SEMA6D: variants seen among roughly 807,000 people sequenced by gnomAD.
The protein encoded by SEMA6D is semaphorin-6D.
In SEMA6D, 35 loss-of-function variants were observed where a neutral mutation model predicts 106.6. The observed-to-expected ratio is 0.33, with a 90% CI of 0.25 to 0.44. The LOEUF is 0.44. SEMA6D is among the 20% of genes least tolerant of loss of function. The pLI is 1.00. For missense variants in SEMA6D, 1,185 were observed against 1,345.9 expected (o/e 0.88, Z 1.87); for synonymous variants, 499 against 487.7 (o/e 1.02, Z -0.31).
intron 1 of SEMA6D, among the ~76,000 whole-genome samples, chr15:47,731,501 T>C (rs1222340809): frequency 6.6e-6 from 1 of 151,868 alleles, no homozygotes; most frequent in East Asian, 1.9e-4. Context: ...AAAGGGAGAG[T>C]GTATGGTAGC....
chr15:47,275,693 C>G (rs924849751), intron 1 of SEMA6D, among the ~76,000 whole-genome samples: 1 of 152,040 alleles, frequency 6.6e-6, no homozygotes, highest in Non-Finnish European at 1.5e-5. Context: ...TCCCTATTCC[C>G]TGAGACAAAA....
upstream of SEMA6D, among the ~76,000 whole-genome samples, chr15:47,715,780 ATT>A (rs935500561): frequency 2.0e-5 from 3 of 152,014 alleles, no homozygotes; most frequent in Admixed American, 6.6e-5. Context: ...CCAGAATTTA[ATT>A]TTTTTTCCCT....
intron 1 of SEMA6D, among the ~76,000 whole-genome samples, chr15:47,254,832 G>C (rs2033709181): frequency 6.6e-6 from 1 of 150,442 alleles, no homozygotes. Flanking sequence ...ATTTTGTTGA[G>C]GGTTTTTATG....
At chr15:47,588,855 G>A (rs1167102079) in intron 3 of SEMA6D, among the ~76,000 whole-genome samples, 3 of 152,218 alleles carry the variant, frequency 2.0e-5, no homozygotes, top group South Asian at 2.1e-4. Context: ...AGTGGTTCTC[G>A]ATCAGGGCAG....
At chr15:47,523,939 TAAC>T (rs974562574) in intron 3 of SEMA6D, among the ~76,000 whole-genome samples, 2 of 152,292 alleles carry the variant, frequency 1.3e-5, no homozygotes, top group African/African-American at 4.8e-5. Context: ...AGCCAGGAGA[TAAC>T]AAACAAAGCG....
At chr15:47,216,937 A>C (rs2030674874) in intron 1 of SEMA6D, among the ~76,000 whole-genome samples, 1 of 152,136 alleles carries the variant, frequency 6.6e-6, no homozygotes, top group Admixed American at 6.6e-5. Flanking sequence ...TCATTTCTTG[A>C]AATCCTGACC....
At chr15:47,579,590 C>T (rs1375448080) in intron 3 of SEMA6D, among the ~76,000 whole-genome samples, 4 of 152,174 alleles carry the variant, frequency 2.6e-5, no homozygotes, top group East Asian at 1.9e-4. Flanking sequence ...AAACCATATG[C>T]ATCATTTTGC....
chr15:47,360,525 G>T (rs1459799729), intron 1 of SEMA6D, among the ~76,000 whole-genome samples: 1 of 152,220 alleles, frequency 6.6e-6, no homozygotes, highest in Non-Finnish European at 1.5e-5. Context: ...GAATAGCACA[G>T]ATGTGGAACA....
At chr15:47,642,290 C>T (rs532922114) in intron 4 of SEMA6D, among the ~76,000 whole-genome samples, 15 of 152,118 alleles carry the variant, frequency 9.9e-5, no homozygotes, top group Admixed American at 2.6e-4. Flanking sequence ...ACATAAAGAT[C>T]ATTAGTTCAG....
intron 1 of SEMA6D, among the ~76,000 whole-genome samples, chr15:47,728,873 A>G (rs541184802): frequency 7.9e-5 from 12 of 152,294 alleles, no homozygotes; most frequent in East Asian, 3.9e-4. Flanking sequence ...TCCATCTTCA[A>G]AGGACCCTTG....
chr15:47,258,629 G>A (rs2033924558), intron 1 of SEMA6D, among the ~76,000 whole-genome samples: 1 of 151,910 alleles, frequency 6.6e-6, no homozygotes. Flanking sequence ...GCCCTACCCC[G>A]TCTGACCCCC....
At chr15:47,537,785 G>A (rs1353807173) in intron 3 of SEMA6D, among the ~76,000 whole-genome samples, 2 of 152,180 alleles carry the variant, frequency 1.3e-5, no homozygotes, top group Non-Finnish European at 2.9e-5. Flanking sequence ...TGTCTCAAGA[G>A]TTGCTACCTT....
rs16959369 is a variant in SEMA6D at position 47,384,526 on chromosome 15, A to G, written c.-238-27867A>G. ...TGACTCATTTTCACTAATCTGTGCA[A>G]TGAGCAGTGAGCAGGGGCCAGCAGA... On this transcript the variant is annotated intron_variant, in intron 1 of 19. Coordinates refer to the SEMA6D transcript ENST00000558014. Among the ~76,000 whole-genome samples, 1,347 of 152,338 alleles carry G rather than the reference A, an allele frequency of 8.8e-3. 113 individuals are homozygous for G. In the East Asian group the frequency reaches 0.2, roughly 23 times the overall value.
At chr15:47,421,884 T>C (rs1192753916) in intron 2 of SEMA6D, among the ~76,000 whole-genome samples, 2 of 152,114 alleles carry the variant, frequency 1.3e-5, no homozygotes, top group East Asian at 3.9e-4. Flanking sequence ...AACATTTGAC[T>C]GTCTTTTCTA....
chr15:47,681,856 GA>G (rs1333146177), intron 4 of SEMA6D, among the ~76,000 whole-genome samples: 22 of 152,162 alleles, frequency 1.4e-4, no homozygotes, highest in Non-Finnish European at 2.6e-4. Flanking sequence ...ATCTGAAGAA[GA>G]GATCATCATG....
In SEMA6D at chr15:47,766,154, T is replaced by C; in HGVS notation, c.1618T>C (p.Ser540Pro). The change falls in exon 15 of 19, where the codon TCC becomes CCC. Residue 540 changes from serine (S) to proline (P), a missense_variant. This residue lies in a region of SEMA6D where 750 missense variants were observed against 783.5 expected (regional missense o/e 0.96). Transcript: ENST00000536845. ...GTATTGTGGCTGGTTAAGCCAGGGATCCTGTGGTAGAGTGACCCCAGGGAT... is the reference window on the plus strand; with the variant it reads ...GTATTGTGGCTGGTTAAGCCAGGGACCCTGTGGTAGAGTGACCCCAGGGAT... ...DPYCGWLSQG[S>P]CGRVTPGMLA... The C allele has an allele frequency of 6.2e-7, 1 of 1,613,622 alleles. No homozygotes were observed. The highest frequency in any genetic ancestry group is 8.5e-7 in the Non-Finnish European group (1 of 1,179,690).
intron 1 of SEMA6D, among the ~76,000 whole-genome samples, chr15:47,754,829 T>G (rs557431521): frequency 6.6e-6 from 1 of 152,306 alleles, no homozygotes; most frequent in Admixed American, 6.5e-5. Flanking sequence ...CTCTCCATAT[T>G]TCTGTCTGAT....
intron 4 of SEMA6D, among the ~76,000 whole-genome samples, chr15:47,706,851 C>G (rs972809504): frequency 3.3e-5 from 5 of 152,198 alleles, no homozygotes; most frequent in Non-Finnish European, 7.3e-5. Flanking sequence ...AATCCTATAA[C>G]TATTACATGA....
intron 3 of SEMA6D, among the ~76,000 whole-genome samples, chr15:47,487,215 A>C (rs112957997): frequency 6.6e-6 from 1 of 152,188 alleles, no homozygotes; most frequent in African/African-American, 2.4e-5. Flanking sequence ...TGTGCAAGAG[A>C]TGTGTACTGT....
Sources: allele counts gnomAD v4.1 joint callset (sites outside exome capture counted in the v4.1 genomes callset), GRCh38; gene constraint gnomAD v4.1.1; regional missense constraint gnomAD v4.1.1; transcripts MANE v1.5; gene names NCBI Gene and HGNC (gene_info 2026-07-23, HGNC 2026-07-21).